The following USF3 variants were observed in gnomAD, a reference collection of about 807,000 sequenced individuals.
USF3 encodes the protein upstream transcription factor family member 3.
A neutral mutation model predicts 157.5 loss-of-function variants in USF3; 29 were observed. The observed-to-expected ratio is 0.18, with a 90% CI of 0.14 to 0.25. USF3 has a LOEUF of 0.25. USF3 is among the 10% of genes least tolerant of loss of function. USF3 has a pLI of 1.00. For synonymous variants in USF3, 893 were observed against 941.4 expected, an observed-to-expected ratio of 0.95 and a Z score of 0.94; for missense variants, 2,381 against 2,667.6, an observed-to-expected ratio of 0.89 and a Z score of 2.37.
Position 113,652,461 on chromosome 3 carries a change from G to A in USF3, c.*2483C>T, listed in dbSNP as rs1399040689. ...AAGAAAGAAAATACAGGTTGTTCTT[G>A]CTTTGTAAGCAAGAAAAAAAAAAAT... is the stretch of plus-strand genomic sequence containing the variant. On this transcript the variant is annotated 3_prime_UTR_variant, in exon 7 of 7. Coordinates refer to ENST00000316407, the MANE Select transcript of USF3 (RefSeq NM_001009899.4). The A allele has an allele frequency of 6.6e-6, 1 of 151,178 alleles. No individual in the cohort carries two copies. The highest frequency in any genetic ancestry group is 1.9e-4 in the East Asian group (1 of 5,178). 9.4% of individuals were successfully genotyped at this position (151,178 alleles called of 1,614,324 possible). A position where few individuals can be genotyped will look rare whatever the true frequency, so the allele number is the denominator to read the frequency against.
chr3:113,682,192 G>C (rs1233854465), intron 1 of USF3, among the ~76,000 whole-genome samples: 1 of 152,158 alleles, frequency 6.6e-6, no homozygotes, highest in Non-Finnish European at 1.5e-5. Context: ...AGATAAGGTG[G>C]CATGTGCCTG....
At position 113,659,953 on chromosome 3, in the gene USF3, C is replaced by T; in HGVS notation, c.1729G>A (p.Gly577Ser). 6.2e-7 allele frequency: 1 copy of T among 1,614,134 alleles called. No individual in the cohort carries two copies. The highest frequency in any genetic ancestry group is 8.5e-7 in the Non-Finnish European group (1 of 1,180,014). The change falls in exon 7 of 7, where the codon GGT becomes AGT. Residue 577 changes from glycine (G) to serine (S), a missense_variant. Physicochemically the swap from Gly to Ser is moderately conservative, Grantham distance 56 (BLOSUM62 0). Transcript: ENST00000316407. Reference sequence around the variant, plus strand: ...GCCTGTATGATTACTATCTGTTGACCTACTGTTTGGTTGGAAACTTCTGCC... The same window carrying T: ...GCCTGTATGATTACTATCTGTTGACTTACTGTTTGGTTGGAAACTTCTGCC... ...MRAEVSNQTV[G>S]QQIVIIQAAN...
Position 113,659,477 on chromosome 3 carries a change from G to A in USF3, c.2205C>T (p.Ala735=). The A allele has an allele frequency of 1.9e-6, 3 of 1,614,216 alleles. No homozygotes were observed. The highest frequency in any genetic ancestry group is 4.5e-5 in the East Asian group (2 of 44,884). ...GACTATTTGCAGCAGTTTGAGAATT[G>A]GCAGGCTGGCTAATAGACAATTGTA... ...SCVQLSISQP[A]NSQTAANSQT... Residue 735 remains alanine (A), a synonymous_variant, in exon 7 of 7, where the codon GCC becomes GCT. Transcript: ENST00000316407.
chr3:113,688,295 T>A (rs989851615), intron 1 of USF3, among the ~76,000 whole-genome samples: 1 of 152,136 alleles, frequency 6.6e-6, no homozygotes, highest in Non-Finnish European at 1.5e-5. Context: ...ATTTTTTGTA[T>A]CTTTAGTAGA....
chr3:113,673,746 C>T (rs1378967935), intron 3 of USF3, among the ~76,000 whole-genome samples: 6 of 152,200 alleles, frequency 3.9e-5, no homozygotes, highest in Non-Finnish European at 7.4e-5. Context: ...TGATGTTTGT[C>T]CTGGCACCTG....
chr3:113,684,348 TTTTCTTGATCGTCTATAACCTCCTTG>T lies in USF3; in HGVS notation c.-134-6977_-134-6952del, dbSNP rs574904902. On this transcript the variant is annotated intron_variant, in intron 1 of 6. Transcript: ENST00000316407. ...TTGAGATAGTCTTCTTTGAGTTAAT[TTTTCTTGATCGTCTATAACCTCCTTG>T]GACTTGAATACTGATATCTTTCTCT... 2.4e-4 allele frequency among the ~76,000 whole-genome samples: 36 copies of T among 152,304 alleles called. No homozygotes were observed. In the East Asian group the frequency reaches 6.4e-3, roughly 27 times the overall value.
At position 113,649,752 on chromosome 3, in the gene USF3, C is replaced by T; in HGVS notation, c.*5192G>A. ...GGGTAGAGGCTACAGGTGGAAAGAT[C>T]TAGAAGCTCTGTGTCCAACAAGGTC... On this transcript the variant is annotated 3_prime_UTR_variant, in exon 7 of 7. Transcript: ENST00000316407. 1.4e-6 allele frequency: 1 copy of T among 697,284 alleles called. No homozygotes were observed. Among genetic ancestry groups the T allele is most frequent in the Non-Finnish European group, 2.6e-6 (1 of 382,988 alleles). 43.2% of individuals were successfully genotyped at this position (697,284 alleles called of 1,614,324 possible). A position where few individuals can be genotyped will look rare whatever the true frequency, so the allele number is the denominator to read the frequency against.
At chr3:113,690,664 T>C (rs1253722769) in intron 1 of USF3, among the ~76,000 whole-genome samples, 1 of 152,206 alleles carries the variant, frequency 6.6e-6, no homozygotes, top group African/African-American at 2.4e-5. Flanking sequence ...CCCACTGAAA[T>C]GACCTTTCCA....
Position 113,660,356 on chromosome 3 carries a change from A to G in USF3, c.1326T>C (p.Thr442=). 1.2e-6 allele frequency: 2 copies of G among 1,614,210 alleles called. No homozygotes were observed. The highest frequency in any genetic ancestry group is 8.5e-7 in the Non-Finnish European group (1 of 1,180,032). Reference sequence around the variant, plus strand: ...ATGGTGTCTGGCTTAAGGGCTGAATAGTGTTTCCTGCCAGTTGCAAAGTAG... The same window carrying G: ...ATGGTGTCTGGCTTAAGGGCTGAATGGTGTTTCCTGCCAGTTGCAAAGTAG... ...TWTTLQLAGN[T]IQPLSQTPSS... Residue 442 remains threonine (T), a synonymous_variant, in exon 7 of 7, where the codon ACT becomes ACC. Transcript: ENST00000316407.
chr3:113,666,751 T>G (rs554714466), intron 5 of USF3, among the ~76,000 whole-genome samples: 9 of 151,076 alleles, frequency 6.0e-5, no homozygotes, highest in South Asian at 2.1e-4. Flanking sequence ...TGTTGTTGTT[T>G]TTTGTTTTTT....
At chr3:113,693,837 G>A (rs1270334129) in intron 1 of USF3, among the ~76,000 whole-genome samples, 1 of 152,230 alleles carries the variant, frequency 6.6e-6, no homozygotes, top group African/African-American at 2.4e-5. Context: ...GGGAGGAATA[G>A]AGGAAAGGTG....
rs759442212 is a variant in USF3 at position 113,656,258 on chromosome 3, T to G, written c.5424A>C (p.Ser1808=). The change falls in exon 7 of 7, where the codon TCA becomes TCC. Residue 1808 remains serine (S), a synonymous_variant. Coordinates refer to ENST00000316407, the MANE Select transcript of USF3 (RefSeq NM_001009899.4). ...GGTGACAAGTATTTTCACTGTCCCT[T>G]GATGGAATACCATTTCCTGTTGGGA... ...QSIPTGNGIP[S]RDSENTCHQS... is the part of the protein sequence containing the mutation. The G allele has an allele frequency of 2.8e-5, 46 of 1,614,070 alleles. No homozygotes were observed. The highest frequency in any genetic ancestry group is 3.8e-5 in the Non-Finnish European group (45 of 1,180,042).
Position 113,658,281 on chromosome 3 carries a change from G to A in USF3, c.3401C>T (p.Ala1134Val). The change falls in exon 7 of 7, where the codon GCT (alanine) becomes GTT (valine). Residue 1134 changes from alanine to valine, a missense_variant. Around this residue, in one of 6 missense-constraint regions of USF3, gnomAD observed 1,435 missense variants for 1,550.9 expected, o/e 0.93. Coordinates refer to ENST00000316407, the MANE Select transcript of USF3 (RefSeq NM_001009899.4). Reference sequence around the variant, plus strand: ...GTCAAAAATAGCTCTTGCTGCAAGAGCTACTATATCAGTTTGCTCTACAAA... The same window carrying A: ...GTCAAAAATAGCTCTTGCTGCAAGAACTACTATATCAGTTTGCTCTACAAA... ...CTFVEQTDIV[A>V]LAARAIFDQE... is the part of the protein sequence containing the mutation. 6.2e-7 allele frequency: 1 copy of A among 1,614,166 alleles called. No individual in the cohort carries two copies. Among genetic ancestry groups the A allele is most frequent in the Non-Finnish European group, 8.5e-7 (1 of 1,180,024 alleles).
At chr3:113,673,262 A>G in intron 4 of USF3, 86 bp downstream of exon 4, 1 of 878,522 alleles carries the variant, frequency 1.1e-6, no homozygotes, top group Admixed American at 2.1e-5. Flanking sequence ...TTCCTTGCTT[A>G]TAACATAAAA....
chr3:113,658,539 T>C lies in USF3; in HGVS notation c.3143A>G (p.Lys1048Arg), dbSNP rs1425517319. The change falls in exon 7 of 7, where the codon AAA (lysine) becomes AGA (arginine). Residue 1048 changes from lysine to arginine, a missense_variant. Lys to Arg is a conservative substitution (Grantham distance 26). Transcript: ENST00000316407. ...ATTGTTCATCAGTAATAGTTCCTGT[T>C]TGGGATGTAAATTCACACTTGAATC... ...IVDSSVNLHP[K>R]QELLLMNNDD... 3 of 1,614,006 alleles carry C rather than the reference T, an allele frequency of 1.9e-6. No individual in the cohort carries two copies. Among genetic ancestry groups the C allele is most frequent in the South Asian group, 2.2e-5 (2 of 91,088 alleles).
rs1448225561 is a variant in USF3, at chr3:113,659,896, C to T, written c.1786G>A (p.Ala596Thr). ...ANQNPLPLLP[A>T]PPPGSVRLPI... is the part of the protein sequence containing the mutation. ...AGTCGAACAGAACCAGGAGGTGGAG[C>T]AGGGAGGAGTGGCAAAGGATTCTGA... Residue 596 changes from alanine to threonine, a missense_variant, in exon 7 of 7, where the codon GCT becomes ACT. Transcript: ENST00000316407. 6.2e-7 allele frequency: 1 copy of T among 1,614,140 alleles called. No individual in the cohort carries two copies. The highest frequency in any genetic ancestry group is 8.5e-7 in the Non-Finnish European group (1 of 1,180,028).
chr3:113,659,544 C>T lies in USF3; in HGVS notation c.2138G>A (p.Ser713Asn), dbSNP rs1259471900. 8 of 1,614,074 alleles carry T rather than the reference C, an allele frequency of 5.0e-6. No individual in the cohort carries two copies. In the Admixed American group the frequency reaches 8.3e-5, roughly 17 times the overall value. ...VALNTFGALA[S>N]LNQSISQMAG... Reference sequence around the variant, plus strand: ...CATCTGTGATATGCTTTGATTGAGGCTGGCCAAAGCACCAAATGTATTCAG... The same window carrying T: ...CATCTGTGATATGCTTTGATTGAGGTTGGCCAAAGCACCAAATGTATTCAG... Residue 713 changes from serine to asparagine, a missense_variant, in exon 7 of 7, where the codon AGC (serine) becomes AAC (asparagine). Transcript: ENST00000316407.
At chr3:113,671,456 G>C (rs1577041357) in intron 4 of USF3, among the ~76,000 whole-genome samples, 2 of 152,318 alleles carry the variant, frequency 1.3e-5, no homozygotes, top group Admixed American at 1.3e-4. Flanking sequence ...GCAACTGACA[G>C]CTTCTCAATC....
rs954819637 is a variant in USF3, at chr3:113,651,389, C to A, written c.*3555G>T. On this transcript the variant is annotated 3_prime_UTR_variant, in exon 7 of 7. Coordinates refer to ENST00000316407, the MANE Select transcript of USF3 (RefSeq NM_001009899.4). ...ATCACTGATTTGGGAGTATGACTTA[C>A]CACCACATGCTGATCCATACATGGT... The A allele has an allele frequency of 2.0e-5, 3 of 152,286 alleles. No individual in the cohort carries two copies. The highest frequency in any genetic ancestry group is 7.2e-5 in the African/African-American group (3 of 41,564). 9.4% of individuals were successfully genotyped at this position (152,286 alleles called of 1,614,324 possible). A position where few individuals can be genotyped will look rare whatever the true frequency, so the allele number is the denominator to read the frequency against.
Sources: gnomAD v4.1 joint callset for allele counts (sites outside exome capture counted in the v4.1 genomes callset) on GRCh38, gnomAD v4.1.1 for gene constraint, gnomAD v4.1.1 regional missense constraint, MANE v1.5 for transcripts, NCBI Gene and HGNC (gene_info 2026-07-23, HGNC 2026-07-21) for gene names.